SLC26A6: variants seen among roughly 807,000 people sequenced by gnomAD.
The protein encoded by SLC26A6 is anion exchange transporter.
In SLC26A6, 67 loss-of-function variants were observed where a neutral mutation model predicts 87.1. That is an observed-to-expected ratio of 0.77 (90% confidence interval 0.63 to 0.94). The LOEUF (loss-of-function observed/expected upper bound fraction) is 0.94. SLC26A6 is among the 40% of genes least tolerant of loss of function. SLC26A6 has a pLI of 0.00. For missense variants in SLC26A6, 902 were observed against 973.0 expected (o/e 0.93, Z 0.97); for synonymous variants, 414 against 405.9 (o/e 1.02, Z -0.24).
chr3:48,633,517 C>A lies in SLC26A6; in HGVS notation c.142G>T (p.Gly48Cys). Residue 48 changes from glycine (G) to cysteine (C), a missense_variant, in exon 2 of 21, where the codon GGC becomes TGC. Transcript: ENST00000395550. ...QEHLEELGRW[G>C]SAPRTHQWRT... ...CACTGGTGGGTCCTAGGTGCTGAGC[C>A]CCAGCGCCCCAGCTCCTCCAAATGC... 1 of 1,613,316 alleles carries A rather than the reference C, an allele frequency of 6.2e-7. No homozygotes were observed. Among genetic ancestry groups the A allele is most frequent in the Non-Finnish European group, 8.5e-7 (1 of 1,179,988 alleles).
At chr3:48,634,044 AAGGGGTCCAGCAAACC>A (rs979795764) in intron 1 of SLC26A6, 2 of 240,724 alleles carry the variant, frequency 8.3e-6, no homozygotes, top group African/African-American at 2.3e-5. Flanking sequence ...ACACTCAGGG[AAGGGGTCCAGCAAACC>A]AGGGGTCCAG....
In SLC26A6 at chr3:48,633,271, G is replaced by T. The variant is rs1486094021; in HGVS notation, c.302C>A (p.Ala101Asp). ...CTCACCCTGCGGAAGCTGCATGATG[G>T]CCACACTCAGGCCGGATAACAGGTC... ...LGDLLSGLSV[A>D]IMQLPQGLAY... The change falls in exon 3 of 21, where the codon GCC (alanine) becomes GAC (aspartate). Residue 101 changes from alanine (A) to aspartate (D), a missense_variant. Ala to Asp is a moderately radical substitution (Grantham distance 126). Around this residue, in one of 3 missense-constraint regions of SLC26A6, gnomAD observed 800 missense variants for 856.8 expected, o/e 0.93. Coordinates refer to ENST00000395550, the MANE Select transcript of SLC26A6 (RefSeq NM_022911.3). 9 of 1,613,280 alleles carry T rather than the reference G, an allele frequency of 5.6e-6. No individual in the cohort carries two copies. Among genetic ancestry groups the T allele is most frequent in the Non-Finnish European group, 7.6e-6 (9 of 1,179,910 alleles).
At position 48,626,358 on chromosome 3, in the gene SLC26A6, T is replaced by C. The variant is rs750736099; in HGVS notation, c.2129-4A>G. 1.4e-5 allele frequency: 23 copies of C among 1,613,808 alleles called. No homozygotes were observed. The East Asian group carries it at 1.8e-4, about 13-fold the overall frequency. ...TCAAGCTGGCTGACCACAGGGCCTG[T>C]GGGCAAGAAGTAGGCCTCCCCTGAC... is the stretch of plus-strand genomic sequence containing the variant. On this transcript the variant is annotated splice_polypyrimidine_tract_variant and splice_region_variant and intron_variant, in intron 19 of 20. Coordinates refer to ENST00000395550, the MANE Select transcript of SLC26A6 (RefSeq NM_022911.3).
intron 4 of SLC26A6, 26 bp downstream of exon 4, chr3:48,632,948 G>T: frequency 6.3e-7 from 1 of 1,599,900 alleles, no homozygotes; most frequent in Non-Finnish European, 8.5e-7. Context: ...GCATCCTCCT[G>T]GAAGGCTAGG....
At position 48,631,315 on chromosome 3, in the gene SLC26A6, G is replaced by A. The variant is rs1575528577; in HGVS notation, c.904-9C>T. On this transcript the variant is annotated splice_polypyrimidine_tract_variant and intron_variant, in intron 7 of 20. Transcript: ENST00000395550. ...CCTGTGGCCCCGATGAGCTGTGGGA[G>A]AGGACAGAGTCAGGGAGGCAGGTGC... 1.3e-6 allele frequency: 2 copies of A among 1,576,962 alleles called. No individual in the cohort carries two copies. The highest frequency in any genetic ancestry group is 1.7e-6 in the Non-Finnish European group (2 of 1,160,776).
chr3:48,632,899 C>A, intron 4 of SLC26A6, 75 bp downstream of exon 4: 1 of 1,429,310 alleles, frequency 7.0e-7, no homozygotes, highest in South Asian at 1.2e-5. Flanking sequence ...TCCTGCCCTG[C>A]TCAGTGCCCC....
Position 48,627,750 on chromosome 3 carries a change from G to T in SLC26A6, c.1893+196C>A, listed in dbSNP as rs117903310. ...ATTCAAGGTCTTCATCTAGGCCTGA[G>T]AATCTAAGCCTAGATTCTGTGGCAT... On this transcript the variant is annotated intron_variant, in intron 17 of 20. Coordinates refer to ENST00000395550, the MANE Select transcript of SLC26A6 (RefSeq NM_022911.3). 1.2e-3 allele frequency: 597 copies of T among 498,022 alleles called. 2 individuals are homozygous for T. The highest frequency in any genetic ancestry group is 0.011 in the East Asian group (290 of 27,262). The allele number at this position is 498,022 out of a possible 1,614,324, so 30.9% of individuals were successfully genotyped here. A position where few individuals can be genotyped will look rare whatever the true frequency, so the allele number is the denominator to read the frequency against.
chr3:48,634,749 C>G, intron 1 of SLC26A6: 2 of 985,424 alleles, frequency 2.0e-6, no homozygotes, highest in Non-Finnish European at 2.4e-6. Context: ...CGCCTCTAAC[C>G]TGGCTGTACT....
rs1356199763 is a variant in SLC26A6, at chr3:48,631,735, C to G, written c.817G>C (p.Ala273Pro). 4 of 1,613,486 alleles carry G rather than the reference C, an allele frequency of 2.5e-6. No homozygotes were observed. Among genetic ancestry groups the G allele is most frequent in the Non-Finnish European group, 3.4e-6 (4 of 1,180,036 alleles). The stretch of plus-strand genomic sequence containing the variant: ...TTCACCACCACGAGCACCACCCCAG[C>G]CACAGCTGCAGTGACCACGGTGCCA... Reference protein sequence around the residue: ...KVGTVVTAAVAGVVLVVVKLL... With the variant: ...KVGTVVTAAVPGVVLVVVKLL... The change falls in exon 7 of 21, where the codon GCT (alanine) becomes CCT (proline). Residue 273 changes from alanine to proline, a missense_variant. This residue lies in a region of SLC26A6 where 800 missense variants were observed against 856.8 expected (regional missense o/e 0.93). Coordinates refer to ENST00000395550, the MANE Select transcript of SLC26A6 (RefSeq NM_022911.3).
In SLC26A6 at chr3:48,626,903, G is replaced by A. The variant is rs940663434; in HGVS notation, c.2046C>T (p.Asp682=). The change falls in exon 18 of 21, where the codon GAC becomes GAT. Residue 682 remains aspartate (D), a synonymous_variant. Coordinates refer to ENST00000395550, the MANE Select transcript of SLC26A6 (RefSeq NM_022911.3). ...TCTTCAGGCTCTTGAGGCACACAGT[G>A]TCCACAAAGGAGAGGGCACCCAGGT... The part of the protein sequence containing the change: ...ILDLGALSFV[D]TVCLKSLKNI... The A allele has an allele frequency of 1.9e-6, 3 of 1,614,056 alleles. No homozygotes were observed. The highest frequency in any genetic ancestry group is 2.7e-5 in the African/African-American group (2 of 75,052).
rs377008190 is a variant in SLC26A6 at position 48,630,651 on chromosome 3, T to G, written c.1204A>C (p.Met402Leu). ...IFQCFPVSCS[M>L]SRSLVQESTG... is the part of the protein sequence containing the mutation. ...CTCTCCTGTACCAGGCTCCGAGACA[T>G]AGAGCAACTCACGGGGAAGCACTGG... Residue 402 changes from methionine (M) to leucine (L), a missense_variant, in exon 10 of 21, where the codon ATG (methionine) becomes CTG (leucine). Transcript: ENST00000395550. 2.4e-5 allele frequency: 39 copies of G among 1,598,524 alleles called. No individual in the cohort carries two copies. Among genetic ancestry groups the G allele is most frequent in the Admixed American group, 1.5e-4 (9 of 58,366 alleles).
chr3:48,625,922 T>C lies in SLC26A6; in HGVS notation c.*64A>G. 1 of 1,609,700 alleles carries C rather than the reference T, an allele frequency of 6.2e-7. No individual in the cohort carries two copies. The highest frequency in any genetic ancestry group is 8.5e-7 in the Non-Finnish European group (1 of 1,177,730). ...GTAGCACCTGGAGGCGGCCTAGGGG[T>C]GAGGGGCTTCTCAAGGGTGCCCTGC... is the stretch of plus-strand genomic sequence containing the variant. On this transcript the variant is annotated 3_prime_UTR_variant, in exon 21 of 21. Transcript: ENST00000395550. This position sits in a 1 kb window ranked among gnomAD's most constrained non-coding sequence, Gnocchi z 4.7.
chr3:48,632,166 ACACT>A lies in SLC26A6; in HGVS notation c.585+75_585+78del, dbSNP rs995596764. 2.3e-5 allele frequency: 37 copies of A among 1,574,856 alleles called. No homozygotes were observed. The African/African-American group carries it at 4.5e-4, about 19-fold the overall frequency. On this transcript the variant is annotated intron_variant, in intron 5 of 20. Coordinates refer to ENST00000395550, the MANE Select transcript of SLC26A6 (RefSeq NM_022911.3). ...GCAAGAGGAGGACGACGATGGTCAG[ACACT>A]CAGGGGAGTACAGACAGGACAGTGG...
Position 48,631,989 on chromosome 3 carries a change from A to C in SLC26A6, c.641T>G (p.Leu214Arg). 4 of 1,613,580 alleles carry C rather than the reference A, an allele frequency of 2.5e-6. No individual in the cohort carries two copies. Among genetic ancestry groups the C allele is most frequent in the Non-Finnish European group, 3.4e-6 (4 of 1,180,016 alleles). Residue 214 changes from leucine (L) to arginine (R), a missense_variant, in exon 6 of 21, where the codon CTT becomes CGT. By Grantham distance (102) the Leu-to-Arg change is moderately radical (BLOSUM62 -2). This residue lies in a region of SLC26A6 where 800 missense variants were observed against 856.8 expected (regional missense o/e 0.93). Transcript: ENST00000395550. Reference sequence around the variant, plus strand: ...TGCAGCTGTGGTATAGCCTCGGACAAGAGGTTCTGACAGGTAGGTGACCAC... The same window carrying C: ...TGCAGCTGTGGTATAGCCTCGGACACGAGGTTCTGACAGGTAGGTGACCAC... The part of the protein sequence containing the change: ...GFVVTYLSEP[L>R]VRGYTTAAAV...
Position 48,625,853 on chromosome 3 carries a change from C to T in SLC26A6, c.*133G>A, listed in dbSNP as rs2046605152. 3.3e-6 allele frequency: 4 copies of T among 1,208,898 alleles called. No homozygotes were observed. The highest frequency in any genetic ancestry group is 1.4e-5 in the South Asian group (1 of 72,684). The allele number at this position is 1,208,898 out of a possible 1,614,324, so 74.9% of individuals were successfully genotyped here. ...AGCGCTGAACTTGGAGTCCCAGGAC[C>T]TCCTTCCCTGAGTTGTGTGTGTGTA... On this transcript the variant is annotated 3_prime_UTR_variant, in exon 21 of 21. Transcript: ENST00000395550. This position sits in a 1 kb window ranked among gnomAD's most constrained non-coding sequence, Gnocchi z 4.7.
Position 48,628,602 on chromosome 3 carries a change from T to A in SLC26A6, c.1692+20A>T. On this transcript the variant is annotated intron_variant, in intron 15 of 20. Transcript: ENST00000395550. The surrounding 1 kb of genome is among the most constrained non-coding windows in gnomAD (Gnocchi z 4.4). ...TCTGGGAGCTGGGGCCTGACACCCA[T>A]CCTGGGGACTCCGTCTCACCCTCTG... 1.2e-6 allele frequency: 2 copies of A among 1,613,950 alleles called. No individual in the cohort carries two copies. Among genetic ancestry groups the A allele is most frequent in the Non-Finnish European group, 1.7e-6 (2 of 1,179,980 alleles).
In SLC26A6 at chr3:48,628,566, T is replaced by C. The variant is rs6763049; in HGVS notation, c.1693-25A>G. ...ACTGGAGGCAAACATCAGAGAAGGGTTGGTGAGCTCTCTGGGAGCTGGGGC... is the reference window on the plus strand; with the variant it reads ...ACTGGAGGCAAACATCAGAGAAGGGCTGGTGAGCTCTCTGGGAGCTGGGGC... On this transcript the variant is annotated intron_variant, in intron 15 of 20. Transcript: ENST00000395550. The surrounding 1 kb of genome is among the most constrained non-coding windows in gnomAD (Gnocchi z 4.4). The C allele has an allele frequency of 3.7e-6, 6 of 1,613,796 alleles. No individual in the cohort carries two copies. Among genetic ancestry groups the C allele is most frequent in the African/African-American group, 1.3e-5 (1 of 74,840 alleles).
Position 48,629,731 on chromosome 3 carries a change from T to A in SLC26A6, c.1530-20A>T, listed in dbSNP as rs551589525. On this transcript the variant is annotated intron_variant, in intron 13 of 20. Transcript: ENST00000395550. ...TGGGGCCTGTGAAGGAGAGAGAGAA[T>A]GCACGAAGAGGGGGCAGAAAAAGGG... The A allele has an allele frequency of 1.2e-4, 197 of 1,612,352 alleles. 3 individuals are homozygous for A. In the South Asian group the frequency reaches 2.1e-3, roughly 17 times the overall value.
At chr3:48,631,352 T>A (rs772777494) in intron 7 of SLC26A6, 46 bp from the exon 8 acceptor site, 1 of 1,506,694 alleles carries the variant, frequency 6.6e-7, no homozygotes, top group South Asian at 1.3e-5. Flanking sequence ...GGCACCATGG[T>A]CAGGGGGACA....
Sources: gnomAD v4.1 joint callset for allele counts on GRCh38, gnomAD v4.1.1 for gene constraint, gnomAD v4.1.1 regional missense constraint, Gnocchi (gnomAD v3.1) non-coding constraint, MANE v1.5 for transcripts, NCBI Gene and HGNC (gene_info 2026-07-23, HGNC 2026-07-21) for gene names.